NR3C1: variants seen among roughly 807,000 people sequenced by gnomAD.
NR3C1 encodes the protein nuclear receptor subfamily 3 group C member 1.
NR3C1 carries 14 observed loss-of-function variants against 74.0 expected under a neutral mutation model. That is an observed-to-expected ratio of 0.19 (90% confidence interval 0.12 to 0.30). The LOEUF is 0.30. Ranked by LOEUF, NR3C1 falls within the 10% of genes least tolerant of loss-of-function variation. NR3C1 has a pLI of 1.00. For missense variants in NR3C1, 695 were observed against 909.8 expected, an observed-to-expected ratio of 0.76 and a Z score of 3.04; for synonymous variants, 308 against 332.5, an observed-to-expected ratio of 0.93 and a Z score of 0.80.
At chr5:143,286,229 G>C (rs1227283207) in intron 7 of NR3C1, among the ~76,000 whole-genome samples, 4 of 151,984 alleles carry the variant, frequency 2.6e-5, no homozygotes, top group East Asian at 1.9e-4. Context: ...TACAAAAAAG[G>C]CTCCAAACAA....
intron 5 of NR3C1, among the ~76,000 whole-genome samples, chr5:143,299,379 G>C (rs970108411): frequency 2.7e-5 from 4 of 149,744 alleles, no homozygotes; most frequent in Non-Finnish European, 5.9e-5. Flanking sequence ...TGTCACCTCT[G>C]TCTGCTTAAG....
intron 2 of NR3C1, among the ~76,000 whole-genome samples, chr5:143,331,629 C>T (rs372312195): frequency 1.3e-5 from 2 of 152,230 alleles, no homozygotes; most frequent in South Asian, 2.1e-4. Context: ...ATGTCCTTTG[C>T]GGCAACATGG....
At chr5:143,380,431 G>T (rs111251330) in intron 2 of NR3C1, among the ~76,000 whole-genome samples, 19 of 152,198 alleles carry the variant, frequency 1.2e-4, no homozygotes, top group African/African-American at 4.3e-4. Context: ...TGAAGAGGCA[G>T]AACCTTAGTA....
intron 2 of NR3C1, among the ~76,000 whole-genome samples, chr5:143,365,299 TC>T (rs1832989510): frequency 1.3e-5 from 2 of 152,296 alleles, no homozygotes; most frequent in Admixed American, 6.5e-5. Flanking sequence ...CTACAGAGAT[TC>T]ACCTTAGACT....
At chr5:143,293,075 C>T (rs1423504086) in intron 7 of NR3C1, among the ~76,000 whole-genome samples, 1 of 152,202 alleles carries the variant, frequency 6.6e-6, no homozygotes, top group East Asian at 1.9e-4. Flanking sequence ...TTTTCAACTG[C>T]ATTTATATTT....
rs60488856 is a variant in NR3C1, at chr5:143,435,475, C to A, written c.-957G>T. The A allele has an allele frequency of 2.9e-4, 282 of 985,130 alleles. No homozygotes were observed. In the African/African-American group the frequency reaches 4.5e-3, roughly 16 times the overall value. 61.0% of individuals were successfully genotyped at this position (985,130 alleles called of 1,614,324 possible). A position where few individuals can be genotyped will look rare whatever the true frequency, so the allele number is the denominator to read the frequency against. On this transcript the variant is annotated 5_prime_UTR_variant, in exon 1 of 9. Coordinates refer to the NR3C1 transcript ENST00000343796. ...GGGAGCAAGAGAAGAGGAAGAGGTA[C>A]CTTTTGAATGGGGTGAAAGCAAACC...
At position 143,420,843 on chromosome 5, in the gene NR3C1, A is replaced by T. The variant is rs1260090392; in HGVS notation, c.-14+13689T>A. On this transcript the variant is annotated intron_variant, in intron 1 of 8. Transcript: ENST00000343796. ...AAAACCATGTTTCTTAAGATCCTAA[A>T]TTCAGCTGCAAAAGTGTATCCTTTG... 2.0e-5 allele frequency among the ~76,000 whole-genome samples: 3 copies of T among 152,240 alleles called. No individual in the cohort carries two copies. The East Asian group carries it at 5.8e-4, about 29-fold the overall frequency.
At chr5:143,291,609 G>A (rs1165556433) in intron 7 of NR3C1, among the ~76,000 whole-genome samples, 1 of 152,170 alleles carries the variant, frequency 6.6e-6, no homozygotes, top group Non-Finnish European at 1.5e-5. Flanking sequence ...GCTGATTGGT[G>A]TACTTAGAGC....
Position 143,280,513 on chromosome 5 carries a change from C to T in NR3C1, c.*1376G>A, listed in dbSNP as rs1812929556. 1 of 152,550 alleles carries T rather than the reference C, an allele frequency of 6.6e-6. No individual in the cohort carries two copies. Among genetic ancestry groups the T allele is most frequent in the South Asian group, 2.1e-4 (1 of 4,822 alleles). The allele number at this position is 152,550 out of a possible 1,614,324, so 9.4% of individuals were successfully genotyped here. Reference sequence around the variant, plus strand: ...GTTTACAGAAAGTTGGTAAGGTGCACACAGAAAGGGCTACTACAGCTTCTA... The same window carrying T: ...GTTTACAGAAAGTTGGTAAGGTGCATACAGAAAGGGCTACTACAGCTTCTA... On this transcript the variant is annotated 3_prime_UTR_variant, in exon 9 of 9. Transcript: ENST00000394464.
chr5:143,295,326 T>C (rs1816947493), intron 7 of NR3C1, 134 bp downstream of exon 7: 2 of 1,408,548 alleles, frequency 1.4e-6, no homozygotes, highest in South Asian at 1.5e-5. Context: ...TTTACATTCA[T>C]AAAAATCATC....
intron 1 of NR3C1, chr5:143,402,527 T>A (rs1024443167): frequency 1.1e-6 from 1 of 930,544 alleles, no homozygotes; most frequent in Admixed American, 6.2e-5. Context: ...CAACAAACGC[T>A]AAAGAGCAAG....
rs1192137461 is a variant in NR3C1, at chr5:143,377,237, C to T, written c.1184+22419G>A. Among the ~76,000 whole-genome samples the T allele has an allele frequency of 2.0e-5, 3 of 152,158 alleles. No individual in the cohort carries two copies. In the East Asian group the frequency reaches 5.8e-4, roughly 29 times the overall value. ...GCAGGTTTAGGAGGGCACTGTATTCCTTGATTTGGCAGACAGGAAGGGGAT... is the reference window on the plus strand; with the variant it reads ...GCAGGTTTAGGAGGGCACTGTATTCTTTGATTTGGCAGACAGGAAGGGGAT... On this transcript the variant is annotated intron_variant, in intron 2 of 8. Transcript: ENST00000394464.
rs1599771557 is a variant in NR3C1, at chr5:143,300,844, T to C, written c.1469-81A>G. On this transcript the variant is annotated intron_variant, in intron 4 of 8. Coordinates refer to ENST00000394464, the MANE Select transcript of NR3C1 (RefSeq NM_000176.3). This position sits in a 1 kb window ranked among gnomAD's most constrained non-coding sequence, Gnocchi z 5.2. ...ACACAGTTTATTCAAGAAGTATTTTTACTTTCTAAAACTATTAAGATGGGA... is the reference window on the plus strand; with the variant it reads ...ACACAGTTTATTCAAGAAGTATTTTCACTTTCTAAAACTATTAAGATGGGA... 7.7e-7 allele frequency: 1 copy of C among 1,294,914 alleles called. No homozygotes were observed. The highest frequency in any genetic ancestry group is 1.1e-6 in the Non-Finnish European group (1 of 925,546). The allele number at this position is 1,294,914 out of a possible 1,614,324, so 80.2% of individuals were successfully genotyped here.
intron 2 of NR3C1, among the ~76,000 whole-genome samples, chr5:143,364,993 CA>C (rs1392679421): frequency 6.6e-6 from 1 of 152,122 alleles, no homozygotes; most frequent in Non-Finnish European, 1.5e-5. Flanking sequence ...AGGCATGAGC[CA>C]CTGTGCCCAA....
rs75814205 is a variant in NR3C1 at position 143,349,397 on chromosome 5, C to T, written c.1185-35229G>A. Among the ~76,000 whole-genome samples, 952 of 152,254 alleles carry T rather than the reference C, an allele frequency of 6.3e-3. 10 individuals are homozygous for T. The highest frequency in any genetic ancestry group is 0.022 in the African/African-American group (919 of 41,550). The stretch of plus-strand genomic sequence containing the variant: ...TGGAACAGGCTCATATTTCTATCCC[C>T]TAATCCTTCTTACTATAATCTATCT... On this transcript the variant is annotated intron_variant, in intron 2 of 8. Coordinates refer to ENST00000394464, the MANE Select transcript of NR3C1 (RefSeq NM_000176.3).
Position 143,403,540 on chromosome 5 carries a change from G to A in NR3C1, c.-343C>T, listed in dbSNP as rs1036695688. The A allele has an allele frequency of 4.1e-6, 4 of 985,648 alleles. No homozygotes were observed. Among genetic ancestry groups the A allele is most frequent in the Non-Finnish European group, 4.8e-6 (4 of 830,172 alleles). 61.1% of individuals were successfully genotyped at this position (985,648 alleles called of 1,614,324 possible). A position where few individuals can be genotyped will look rare whatever the true frequency, so the allele number is the denominator to read the frequency against. On this transcript the variant is annotated 5_prime_UTR_variant, in exon 1 of 9. Coordinates refer to ENST00000394464, the MANE Select transcript of NR3C1 (RefSeq NM_000176.3). Reference sequence around the variant, plus strand: ...TCCACCCACAGAATCCGTCCCCGACGGGCAGGCGGTGACTCGGGCTCCCGT... The same window carrying A: ...TCCACCCACAGAATCCGTCCCCGACAGGCAGGCGGTGACTCGGGCTCCCGT...
chr5:143,323,870 G>GC (rs1823958701), intron 2 of NR3C1, among the ~76,000 whole-genome samples: 1 of 152,160 alleles, frequency 6.6e-6, no homozygotes, highest in Non-Finnish European at 1.5e-5. Flanking sequence ...CGGGGCCCAT[G>GC]CAAGTCTGAA....
intron 1 of NR3C1, chr5:143,433,857 G>C (rs907067343): frequency 1.3e-5 from 2 of 152,360 alleles, no homozygotes; most frequent in Admixed American, 1.3e-4. Context: ...TCCTTTGCTT[G>C]GAACCTTCAG....
Position 143,300,923 on chromosome 5 carries a change from T to C in NR3C1, c.1469-160A>G, listed in dbSNP as rs1818363964. On this transcript the variant is annotated intron_variant, in intron 4 of 8. Transcript: ENST00000394464. The surrounding 1 kb of genome is among the most constrained non-coding windows in gnomAD (Gnocchi z 5.2). ...AGTGACATGGAAAAGGAGAAAAAAC[T>C]TTTTTTTTTCTGAAAGCAAAAGATC... 6.7e-6 allele frequency among the ~76,000 whole-genome samples: 1 copy of C among 149,688 alleles called. No individual in the cohort carries two copies. The highest frequency in any genetic ancestry group is 1.5e-5 in the Non-Finnish European group (1 of 67,212).
Sources: gnomAD v4.1 joint callset for allele counts (sites outside exome capture counted in the v4.1 genomes callset) on GRCh38, gnomAD v4.1.1 for gene constraint, Gnocchi (gnomAD v3.1) non-coding constraint, MANE v1.5 for transcripts, NCBI Gene and HGNC (gene_info 2026-07-23, HGNC 2026-07-21) for gene names.